SLC30A10: variants seen among roughly 807,000 people sequenced by gnomAD.
SLC30A10 encodes the protein solute carrier family 30 member 10, also known as calcium/manganese antiporter SLC30A10.
A neutral mutation model predicts 21.7 loss-of-function variants in SLC30A10; 8 were observed. That is an observed-to-expected ratio of 0.37 (90% CI 0.22 to 0.67). The LOEUF is 0.67. Among genes scored for constraint, SLC30A10 ranks in the 30% least tolerant of loss-of-function variants. The pLI is 0.58. For missense variants in SLC30A10, 521 were observed against 642.5 expected (o/e 0.81, Z 2.04); for synonymous variants, 272 against 279.4 (o/e 0.97, Z 0.26).
Position 219,928,530 on chromosome 1 carries a change from G to C in SLC30A10, c.-90C>G, listed in dbSNP as rs1392184199. 3 of 1,230,374 alleles carry C rather than the reference G, an allele frequency of 2.4e-6. No individual in the cohort carries two copies. The highest frequency in any genetic ancestry group is 3.2e-6 in the Non-Finnish European group (3 of 937,208). The allele number at this position is 1,230,374 out of a possible 1,614,324, so 76.2% of individuals were successfully genotyped here. ...CAGGTGGGGGGCGCGGCGCGGATCC[G>C]TGAGGCCCGGTACCCGCCTCCCAGA... is the stretch of plus-strand genomic sequence containing the variant. On this transcript the variant is annotated 5_prime_UTR_variant, in exon 1 of 4. Coordinates refer to ENST00000366926, the MANE Select transcript of SLC30A10 (RefSeq NM_018713.3). This position sits in a 1 kb window ranked among gnomAD's most constrained non-coding sequence, Gnocchi z 6.3.
chr1:219,937,743 C>T (rs1426683775), intron 1 of SLC30A10, among the ~76,000 whole-genome samples: 2 of 152,192 alleles, frequency 1.3e-5, no homozygotes, highest in Non-Finnish European at 2.9e-5. Flanking sequence ...AACCTGGAGG[C>T]GGAGGTTGCA....
intron 2 of SLC30A10, among the ~76,000 whole-genome samples, chr1:219,924,077 A>G (rs1401203400): frequency 6.6e-6 from 1 of 152,192 alleles, no homozygotes. Context: ...CAAAACAAAC[A>G]AACAAACAAA....
At position 219,913,925 on chromosome 1, in the gene SLC30A10, A is replaced by G. The variant is rs1659472200; in HGVS notation, c.*1524T>C. On this transcript the variant is annotated 3_prime_UTR_variant, in exon 4 of 4. Coordinates refer to ENST00000366926, the MANE Select transcript of SLC30A10 (RefSeq NM_018713.3). ...CGAGACCCTGTCTCTACAAAAAAAGAAAAAAATAATAATTTCCTATCCTAC... is the reference window on the plus strand; with the variant it reads ...CGAGACCCTGTCTCTACAAAAAAAGGAAAAAATAATAATTTCCTATCCTAC... 6.6e-6 allele frequency: 1 copy of G among 152,178 alleles called. No individual in the cohort carries two copies. Among genetic ancestry groups the G allele is most frequent in the Non-Finnish European group, 1.5e-5 (1 of 68,032 alleles). The allele number at this position is 152,178 out of a possible 1,614,324, so 9.4% of individuals were successfully genotyped here.
rs1258684726 is a variant in SLC30A10 at position 219,928,269 on chromosome 1, C to G, written c.172G>C (p.Gly58Arg). The G allele has an allele frequency of 6.3e-7, 1 of 1,594,512 alleles. No individual in the cohort carries two copies. The highest frequency in any genetic ancestry group is 8.5e-7 in the Non-Finnish European group (1 of 1,171,840). The change falls in exon 1 of 4, where the codon GGC becomes CGC. Residue 58 changes from glycine to arginine, a missense_variant. By Grantham distance (125) the Gly-to-Arg change is moderately radical (BLOSUM62 -2). Coordinates refer to ENST00000366926, the MANE Select transcript of SLC30A10 (RefSeq NM_018713.3). This position sits in a 1 kb window ranked among gnomAD's most constrained non-coding sequence, Gnocchi z 6.3. ...LISLCVGLSA[G>R]YIARRPTRGF... ...CGGGTGGGGCGCCGGGCGATGTAGC[C>G]GGCGCTCAGGCCCACGCACAGCGAG...
intron 2 of SLC30A10, among the ~76,000 whole-genome samples, chr1:219,924,675 C>T (rs529539809): frequency 1.1e-4 from 16 of 152,178 alleles, no homozygotes; most frequent in Admixed American, 5.2e-4. Context: ...ACTAATTAAA[C>T]GATAATTGTA....
intron 3 of SLC30A10, among the ~76,000 whole-genome samples, chr1:219,917,791 A>G (rs1571791276): frequency 7.1e-6 from 1 of 140,642 alleles, no homozygotes; most frequent in Non-Finnish European, 1.5e-5. Context: ...GCTCCCTGCA[A>G]CCTCCGCCTC....
rs574081954 is a variant in SLC30A10 at position 219,911,894 on chromosome 1, C to A, written c.*3555G>T. On this transcript the variant is annotated 3_prime_UTR_variant, in exon 4 of 4. Transcript: ENST00000366926. ...TTGTCACAACTTCGGGGGACAGTAC[C>A]GGCATTTATGCATAGCGGTCAGGGG... 6.6e-6 allele frequency among the ~76,000 whole-genome samples: 1 copy of A among 152,016 alleles called. No homozygotes were observed. The highest frequency in any genetic ancestry group is 1.9e-4 in the East Asian group (1 of 5,162).
chr1:219,953,623 A>C (rs1197732866), intron 1 of SLC30A10, among the ~76,000 whole-genome samples: 4 of 151,686 alleles, frequency 2.6e-5, no homozygotes, highest in Admixed American at 2.6e-4. Context: ...GAAAAAGAAA[A>C]GAAAGAAAGA....
intron 1 of SLC30A10, among the ~76,000 whole-genome samples, chr1:219,950,915 T>C (rs1330966666): frequency 6.6e-6 from 1 of 152,136 alleles, no homozygotes; most frequent in Non-Finnish European, 1.5e-5. Context: ...GCCATTGCAC[T>C]CCAACCTAGG....
At chr1:219,931,798 A>G (rs1659973547), upstream of SLC30A10, among the ~76,000 whole-genome samples, 1 of 152,128 alleles carries the variant, frequency 6.6e-6, no homozygotes, top group Non-Finnish European at 1.5e-5. Flanking sequence ...TATACTTAAC[A>G]GCAAATTGTG....
Position 219,918,662 on chromosome 1 carries a change from G to A in SLC30A10, c.719-168C>T. ...TCAAAATAATGGCAACTACTTCTTA[G>A]GAAACAAAACCCCAGGCCACCATCG... On this transcript the variant is annotated intron_variant, in intron 2 of 3. Transcript: ENST00000366926. The surrounding 1 kb of genome is among the most constrained non-coding windows in gnomAD (Gnocchi z 4.4). 1 of 761,434 alleles carries A rather than the reference G, an allele frequency of 1.3e-6. No individual in the cohort carries two copies. The highest frequency in any genetic ancestry group is 2.5e-5 in the South Asian group (1 of 39,248). The allele number at this position is 761,434 out of a possible 1,614,324, so 47.2% of individuals were successfully genotyped here. A position where few individuals can be genotyped will look rare whatever the true frequency, so the allele number is the denominator to read the frequency against.
intron 2 of SLC30A10, among the ~76,000 whole-genome samples, chr1:219,925,535 A>C (rs1659793199): frequency 2.7e-5 from 4 of 150,556 alleles, no homozygotes; most frequent in Admixed American, 2.0e-4. Context: ...CTCCATCTCA[A>C]AGAAGAAAAA....
chr1:219,948,600 C>G (rs56249652), intron 1 of SLC30A10, among the ~76,000 whole-genome samples: 43,861 of 151,888 alleles, frequency 0.29, 6,858 homozygotes, highest in East Asian at 0.4. Context: ...ACACCTTATA[C>G]AAAAATTAAT....
intron 1 of SLC30A10, among the ~76,000 whole-genome samples, chr1:219,935,648 T>A (rs1465404232): frequency 2.6e-5 from 4 of 152,224 alleles, no homozygotes; most frequent in African/African-American, 9.6e-5. Context: ...ATGAAAAAGC[T>A]TATGTAAAGG....
At chr1:219,948,807 C>A in intron 1 of SLC30A10, among the ~76,000 whole-genome samples, 1 of 152,086 alleles carries the variant, frequency 6.6e-6, no homozygotes, top group Non-Finnish European at 1.5e-5. Context: ...AAAGAAACTA[C>A]CATCAGAGTG....
chr1:219,920,577 C>T (rs1320417709), intron 2 of SLC30A10, among the ~76,000 whole-genome samples: 1 of 152,114 alleles, frequency 6.6e-6, no homozygotes, highest in African/African-American at 2.4e-5. Context: ...ATTGTCATAA[C>T]TCCTATGACA....
At chr1:219,927,638 T>TAAAAAAAAAAAAAA (rs77015523) in intron 1 of SLC30A10, among the ~76,000 whole-genome samples, 163 bp downstream of exon 1, 1 of 53,404 alleles carries the variant, frequency 1.9e-5, no homozygotes, top group Non-Finnish European at 3.7e-5. Flanking sequence ...ATGGATTTAT[T>TAAAAAAAAAAAAAA]AAAAAAAAAA....
upstream of SLC30A10, among the ~76,000 whole-genome samples, chr1:219,930,548 C>T (rs532795103): frequency 1.3e-5 from 2 of 152,274 alleles, no homozygotes; most frequent in South Asian, 2.1e-4. Context: ...TAAAACATAA[C>T]CTTGTCTTTC....
Position 219,927,934 on chromosome 1 carries a change from C to A in SLC30A10, c.507G>T (p.Gly169=). 6.5e-7 allele frequency: 1 copy of A among 1,537,758 alleles called. No individual in the cohort carries two copies. Among genetic ancestry groups the A allele is most frequent in the Non-Finnish European group, 8.8e-7 (1 of 1,142,028 alleles). ...AEGCVPGAFG[G]PQGAEDPRRA... ...GCCGCGGGTCCTCCGCGCCCTGAGG[C>A]CCCCCGAAAGCGCCGGGGACACAGC... The change falls in exon 1 of 4, where the codon GGG becomes GGT. Residue 169 remains glycine, a synonymous_variant. Coordinates refer to ENST00000366926, the MANE Select transcript of SLC30A10 (RefSeq NM_018713.3).
Sources: allele counts gnomAD v4.1 joint callset (sites outside exome capture counted in the v4.1 genomes callset), GRCh38; gene constraint gnomAD v4.1.1; non-coding constraint Gnocchi (gnomAD v3.1); transcripts MANE v1.5; gene names NCBI Gene and HGNC (gene_info 2026-07-23, HGNC 2026-07-21).